Variants in DNAH11 observed in about 807,000 individuals in gnomAD.
DNAH11 encodes axonemal beta dynein heavy chain 11.
In DNAH11, 442 loss-of-function variants were observed where a neutral mutation model predicts 526.0. The observed-to-expected ratio is 0.84, with a 90% confidence interval of 0.78 to 0.91. DNAH11 has a LOEUF of 0.91. Among genes scored for constraint, DNAH11 ranks in the 40% least tolerant of loss-of-function variants. The pLI, the probability that DNAH11 is intolerant of heterozygous loss-of-function variation, is 0.00. For missense variants in DNAH11, 6,989 were observed against 5,448.7 expected (o/e 1.28, Z -8.90); for synonymous variants, 2,461 against 1,935.9 (o/e 1.27, Z -7.12).
intron 74 of DNAH11, among the ~76,000 whole-genome samples, chr7:21,877,875 A>T (rs1420148009): frequency 6.1e-5 from 1 of 16,420 alleles, no homozygotes; most frequent in Non-Finnish European, 4.7e-4. Flanking sequence ...ACTCCATCTC[A>T]AAAAAAAAAA....
chr7:21,890,831 A>G (rs1456792415), intron 76 of DNAH11, among the ~76,000 whole-genome samples: 2 of 152,186 alleles, frequency 1.3e-5, no homozygotes, highest in Non-Finnish European at 2.9e-5. Flanking sequence ...AAATAGTCCA[A>G]CTTCTTCCTT....
chr7:21,576,397 G>A (rs1784095378), intron 8 of DNAH11, among the ~76,000 whole-genome samples: 1 of 152,188 alleles, frequency 6.6e-6, no homozygotes. Flanking sequence ...TGGGGTTGTA[G>A]GGGAGAGGAG....
chr7:21,809,501 T>A (rs182791663), intron 63 of DNAH11, among the ~76,000 whole-genome samples: 2 of 152,268 alleles, frequency 1.3e-5, no homozygotes, highest in East Asian at 3.9e-4. Context: ...TCAGGTCTTA[T>A]ATTTAAGTCT....
At chr7:21,779,973 T>C (rs1375899162) in intron 57 of DNAH11, among the ~76,000 whole-genome samples, 1 of 152,102 alleles carries the variant, frequency 6.6e-6, no homozygotes, top group East Asian at 1.9e-4. Flanking sequence ...TACCTGAAAA[T>C]ATTTGAGTTT....
Position 21,582,011 on chromosome 7 carries a change from C to T in DNAH11, c.1700C>T (p.Ala567Val). 6.2e-7 allele frequency: 1 copy of T among 1,607,340 alleles called. No homozygotes were observed. Among genetic ancestry groups the T allele is most frequent in the Non-Finnish European group, 8.5e-7 (1 of 1,174,314 alleles). ...EAFFNCNGLEAAFKLLTIFGN... is the reference protein window; with the variant it reads ...EAFFNCNGLEVAFKLLTIFGN... Reference sequence around the variant, plus strand: ...TTCTTTAACTGCAATGGCTTAGAAGCTGCATTTAAGGTTAGTTCTGAAGAA... The same window carrying T: ...TTCTTTAACTGCAATGGCTTAGAAGTTGCATTTAAGGTTAGTTCTGAAGAA... The change falls in exon 9 of 82, where the codon GCT becomes GTT. Residue 567 changes from alanine (A) to valine (V), a missense_variant. Transcript: ENST00000409508.
intron 63 of DNAH11, among the ~76,000 whole-genome samples, chr7:21,810,327 A>G (rs770402814): frequency 1.1e-4 from 17 of 152,214 alleles, no homozygotes; most frequent in Non-Finnish European, 1.9e-4. Context: ...TCTATTTTCT[A>G]TACAACACTG....
rs563931646 is a variant in DNAH11 at position 21,790,231 on chromosome 7, C to G, written c.10026+889C>G. 5.1e-4 allele frequency among the ~76,000 whole-genome samples: 77 copies of G among 152,056 alleles called. 1 individual carries two copies. Among genetic ancestry groups the G allele is most frequent in the South Asian group, 2.9e-3 (14 of 4,806 alleles). On this transcript the variant is annotated intron_variant, in intron 61 of 81. Coordinates refer to ENST00000409508, the MANE Select transcript of DNAH11 (RefSeq NM_001277115.2). ...GGAGGCCAAGGCGGGCAGATCACGACATCAGGAGATCGAGACCATCCTGGC... is the reference window on the plus strand; with the variant it reads ...GGAGGCCAAGGCGGGCAGATCACGAGATCAGGAGATCGAGACCATCCTGGC...
rs979774185 is a variant in DNAH11, at chr7:21,666,828, C to G, written c.5328+7797C>G. On this transcript the variant is annotated intron_variant, in intron 30 of 81. Coordinates refer to ENST00000409508, the MANE Select transcript of DNAH11 (RefSeq NM_001277115.2). ...TACTTTATAATCTAGCAGTAACTCA[C>G]AAGATCATGAGTAGAGCACATACTC... Among the ~76,000 whole-genome samples, 5 of 151,196 alleles carry G rather than the reference C, an allele frequency of 3.3e-5. No individual in the cohort carries two copies. The East Asian group carries it at 9.7e-4, about 29-fold the overall frequency.
intron 61 of DNAH11, among the ~76,000 whole-genome samples, chr7:21,790,615 G>C (rs1242142653): frequency 6.6e-6 from 1 of 152,180 alleles, no homozygotes; most frequent in African/African-American, 2.4e-5. Context: ...GAAGAAATTA[G>C]AGGAAGTTCT....
At chr7:21,592,498 T>G (rs1784726677) in intron 14 of DNAH11, among the ~76,000 whole-genome samples, 1 of 152,162 alleles carries the variant, frequency 6.6e-6, no homozygotes, top group African/African-American at 2.4e-5. Flanking sequence ...AGACTAATGG[T>G]ACATTATGTG....
chr7:21,726,423 G>A (rs187174896), intron 45 of DNAH11, among the ~76,000 whole-genome samples: 48 of 151,960 alleles, frequency 3.2e-4, no homozygotes, highest in South Asian at 2.5e-3. Flanking sequence ...CCATATCACC[G>A]ATATTCAAGT....
At chr7:21,646,001 TAACAATGCAAGCTGC>T (rs1787341001) in intron 28 of DNAH11, among the ~76,000 whole-genome samples, 1 of 152,104 alleles carries the variant, frequency 6.6e-6, no homozygotes, top group Non-Finnish European at 1.5e-5. Context: ...CTTAAGAGAA[TAACAATGCAAGCTGC>T]AAAGTGGGAA....
Position 21,743,586 on chromosome 7 carries a change from A to G in DNAH11, c.8155-852A>G, listed in dbSNP as rs1490564611. Among the ~76,000 whole-genome samples the G allele has an allele frequency of 5.3e-5, 8 of 152,204 alleles. No homozygotes were observed. The East Asian group carries it at 1.5e-3, about 29-fold the overall frequency. On this transcript the variant is annotated intron_variant, in intron 49 of 81. Coordinates refer to ENST00000409508, the MANE Select transcript of DNAH11 (RefSeq NM_001277115.2). ...ACCGTCTTTTCAGTATCACTCCACAACTGCCTCAAAACCATAACACAGCAT... is the reference window on the plus strand; with the variant it reads ...ACCGTCTTTTCAGTATCACTCCACAGCTGCCTCAAAACCATAACACAGCAT...
At chr7:21,660,748 T>C (rs1782208025) in intron 30 of DNAH11, among the ~76,000 whole-genome samples, 1 of 152,064 alleles carries the variant, frequency 6.6e-6, no homozygotes, top group African/African-American at 2.4e-5. Flanking sequence ...AATCTGTAGC[T>C]ATTTATATAT....
At chr7:21,862,950 G>C (rs536020288) in intron 69 of DNAH11, among the ~76,000 whole-genome samples, 16 of 151,976 alleles carry the variant, frequency 1.1e-4, no homozygotes, top group Middle Eastern at 3.4e-3. Context: ...TGTAGTCCCA[G>C]CTACTTGGGA....
In DNAH11 at chr7:21,787,485, T is replaced by C. The variant is rs781418836; in HGVS notation, c.9826T>C (p.Leu3276=). 4.6e-5 allele frequency: 74 copies of C among 1,613,740 alleles called. No individual in the cohort carries two copies. The South Asian group carries it at 7.8e-4, about 17-fold the overall frequency. The part of the protein sequence containing the change: ...NCLKVVNEHY[L]KDPEFNPNLI... ...TCTAAAAGTGGTGAATGAACACTAT[T>C]TGAAAGACCCAGAGTTTAATCCAAA... is the stretch of plus-strand genomic sequence containing the variant. The change falls in exon 60 of 82, where the codon TTG becomes CTG. Residue 3276 remains leucine, a synonymous_variant. Coordinates refer to ENST00000409508, the MANE Select transcript of DNAH11 (RefSeq NM_001277115.2).
At chr7:21,819,737 ATTCTCAGTATGGACG>A (rs1425115427) in intron 65 of DNAH11, among the ~76,000 whole-genome samples, 3 of 152,206 alleles carry the variant, frequency 2.0e-5, no homozygotes, top group African/African-American at 7.2e-5. Flanking sequence ...TTGAGTCATG[ATTCTCAGTATGGACG>A]TAGTTAACTA....
intron 30 of DNAH11, among the ~76,000 whole-genome samples, chr7:21,673,128 T>G (rs1464931193): frequency 2.6e-5 from 4 of 152,208 alleles, no homozygotes; most frequent in Non-Finnish European, 5.9e-5. Context: ...AATTCATAAG[T>G]GGGGTATACT....
At chr7:21,797,528 T>A (rs985664663) in intron 61 of DNAH11, among the ~76,000 whole-genome samples, 2 of 148,682 alleles carry the variant, frequency 1.3e-5, no homozygotes, top group Non-Finnish European at 2.9e-5. Context: ...CCTTGAACTA[T>A]TTTTTCTAGT....
Sources: gnomAD v4.1 joint callset for allele counts (sites outside exome capture counted in the v4.1 genomes callset) on GRCh38, gnomAD v4.1.1 for gene constraint, MANE v1.5 for transcripts, NCBI Gene and HGNC (gene_info 2026-07-23, HGNC 2026-07-21) for gene names.